SCAMP1: variants seen among roughly 807,000 people sequenced by gnomAD.
The protein encoded by SCAMP1 is secretory carrier membrane protein 1, also known as secretory carrier-associated membrane protein 1.
A neutral mutation model predicts 41.8 loss-of-function variants in SCAMP1; 15 were observed. The ratio of observed to expected loss-of-function variants is 0.36; its 90% CI spans 0.24 to 0.55. The LOEUF (loss-of-function observed/expected upper bound fraction) is 0.55. Among genes scored for constraint, SCAMP1 ranks in the 20% least tolerant of loss-of-function variants. SCAMP1 has a pLI of 0.86. For missense variants in SCAMP1, 341 were observed against 412.6 expected (o/e 0.83, Z 1.50); for synonymous variants, 135 against 136.8 (o/e 0.99, Z 0.09).
At chr5:78,423,159 G>C (rs186974856) in intron 6 of SCAMP1, among the ~76,000 whole-genome samples, 2 of 152,132 alleles carry the variant, frequency 1.3e-5, no homozygotes, top group Admixed American at 1.3e-4. Flanking sequence ...CAATGAAGAA[G>C]TAAATTATTA....
At chr5:78,379,315 G>A (rs759247616) in intron 1 of SCAMP1, among the ~76,000 whole-genome samples, 15 of 152,120 alleles carry the variant, frequency 9.9e-5, no homozygotes, top group African/African-American at 1.7e-4. Flanking sequence ...ATCATTTATC[G>A]TTACTTAATT....
At chr5:78,467,324 C>T (rs933363908) in intron 8 of SCAMP1, among the ~76,000 whole-genome samples, 7 of 152,136 alleles carry the variant, frequency 4.6e-5, no homozygotes, top group African/African-American at 1.4e-4. Context: ...ATGTGTGGCA[C>T]AGATGATCAA....
intron 8 of SCAMP1, among the ~76,000 whole-genome samples, chr5:78,473,121 G>A (rs1753924443): frequency 6.6e-6 from 1 of 152,114 alleles, no homozygotes; most frequent in South Asian, 2.1e-4. Context: ...TATACTTAAT[G>A]ATAGTGCTAA....
chr5:78,361,256 T>C (rs867617282), intron 1 of SCAMP1, among the ~76,000 whole-genome samples: 27 of 152,340 alleles, frequency 1.8e-4, no homozygotes, highest in South Asian at 4.1e-4. Context: ...GTTATGTTTT[T>C]ATTTTTTAAA....
At chr5:78,401,091 T>A (rs1751786400) in intron 2 of SCAMP1, among the ~76,000 whole-genome samples, 1 of 152,168 alleles carries the variant, frequency 6.6e-6, no homozygotes, top group Non-Finnish European at 1.5e-5. Context: ...TATCTACTGA[T>A]ATGGTCATAT....
chr5:78,441,631 TG>T (rs1028669040), intron 6 of SCAMP1, among the ~76,000 whole-genome samples: 106 of 152,254 alleles, frequency 7.0e-4, no homozygotes, highest in African/African-American at 2.5e-3. Flanking sequence ...CTGACCAATG[TG>T]GCAAAACCCC....
At chr5:78,440,195 CCTT>C (rs1752882650) in intron 6 of SCAMP1, among the ~76,000 whole-genome samples, 1 of 152,172 alleles carries the variant, frequency 6.6e-6, no homozygotes, top group Non-Finnish European at 1.5e-5. Context: ...TCGTCTGAAG[CCTT>C]CTTCTCTCAA....
intron 1 of SCAMP1, among the ~76,000 whole-genome samples, chr5:78,388,075 G>C (rs1008907768): frequency 2.0e-5 from 3 of 152,134 alleles, no homozygotes; most frequent in Non-Finnish European, 2.9e-5. Flanking sequence ...TTCTTCAAAG[G>C]GTCTGTGGAT....
rs1438739022 is a variant in SCAMP1, at chr5:78,477,645, GTAGAAA to G, written c.*1979_*1984del. 1.3e-5 allele frequency: 2 copies of G among 152,104 alleles called. No individual in the cohort carries two copies. The highest frequency in any genetic ancestry group is 2.9e-5 in the Non-Finnish European group (2 of 67,972). The allele number at this position is 152,104 out of a possible 1,614,324, so 9.4% of individuals were successfully genotyped here. A position where few individuals can be genotyped will look rare whatever the true frequency, so the allele number is the denominator to read the frequency against. On this transcript the variant is annotated 3_prime_UTR_variant, in exon 9 of 9. Coordinates refer to ENST00000621999, the MANE Select transcript of SCAMP1 (RefSeq NM_004866.6). ...TTCAGAATTGGAATGTTTATATTAT[GTAGAAA>G]TCTTCAAAGGTAGCATTATTAAATA...
chr5:78,442,632 A>G (rs563095589), intron 6 of SCAMP1, among the ~76,000 whole-genome samples: 3 of 152,180 alleles, frequency 2.0e-5, no homozygotes, highest in Admixed American at 1.3e-4. Flanking sequence ...GACCTAATCA[A>G]TGTTGATTTC....
intron 7 of SCAMP1, among the ~76,000 whole-genome samples, chr5:78,456,928 A>G (rs1753421794): frequency 7.6e-6 from 1 of 131,268 alleles, no homozygotes; most frequent in Non-Finnish European, 1.6e-5. Context: ...GCTTCATTTC[A>G]TTCATTTCAT....
chr5:78,477,290 C>T lies in SCAMP1; in HGVS notation c.*1622C>T, dbSNP rs1754028286. On this transcript the variant is annotated 3_prime_UTR_variant, in exon 9 of 9. Coordinates refer to ENST00000621999, the MANE Select transcript of SCAMP1 (RefSeq NM_004866.6). ...TTTGATTTATTTGGGATCTTATTGA[C>T]ATCAGGTATACTTGGAAGACATTTC... 1 of 152,088 alleles carries T rather than the reference C, an allele frequency of 6.6e-6. No homozygotes were observed. Among genetic ancestry groups the T allele is most frequent in the South Asian group, 2.1e-4 (1 of 4,832 alleles). 9.4% of individuals were successfully genotyped at this position (152,088 alleles called of 1,614,324 possible). A position where few individuals can be genotyped will look rare whatever the true frequency, so the allele number is the denominator to read the frequency against.
intron 6 of SCAMP1, among the ~76,000 whole-genome samples, chr5:78,440,777 C>G (rs1752900643): frequency 6.6e-6 from 1 of 152,204 alleles, no homozygotes; most frequent in South Asian, 2.1e-4. Context: ...TTTCTGCTGC[C>G]TTTTGTTCAG....
chr5:78,366,526 A>C (rs1750800499), intron 1 of SCAMP1, among the ~76,000 whole-genome samples: 1 of 152,148 alleles, frequency 6.6e-6, no homozygotes, highest in Non-Finnish European at 1.5e-5. Context: ...CAAAGTCTTC[A>C]CCTTCTGATA....
intron 2 of SCAMP1, among the ~76,000 whole-genome samples, chr5:78,415,042 C>T (rs536656291): frequency 1.3e-5 from 2 of 151,844 alleles, no homozygotes; most frequent in African/African-American, 4.8e-5. Context: ...CAGCCTCCAC[C>T]TCCCCGGTTC....
At chr5:78,400,552 C>T (rs1055094022) in intron 2 of SCAMP1, among the ~76,000 whole-genome samples, 1 of 152,134 alleles carries the variant, frequency 6.6e-6, no homozygotes, top group Non-Finnish European at 1.5e-5. Context: ...TGTAGTTTTT[C>T]ACATATAGAA....
intron 2 of SCAMP1, among the ~76,000 whole-genome samples, chr5:78,405,060 T>C (rs1052167163): frequency 1.3e-5 from 2 of 152,250 alleles, no homozygotes; most frequent in African/African-American, 4.8e-5. Flanking sequence ...ACTCCTTGTA[T>C]TGACCTATTT....
chr5:78,443,645 T>G, intron 6 of SCAMP1, among the ~76,000 whole-genome samples: 2 of 139,866 alleles, frequency 1.4e-5, no homozygotes, highest in Non-Finnish European at 3.1e-5. Flanking sequence ...GACTAGTGAG[T>G]GGTTTTGCTT....
chr5:78,379,701 C>T (rs1751149832), intron 1 of SCAMP1, among the ~76,000 whole-genome samples: 2 of 152,118 alleles, frequency 1.3e-5, no homozygotes, highest in South Asian at 4.1e-4. Context: ...TATTTATTGG[C>T]TTTTAAAAGT....
Sources: gnomAD v4.1 joint callset for allele counts (sites outside exome capture counted in the v4.1 genomes callset) on GRCh38, gnomAD v4.1.1 for gene constraint, MANE v1.5 for transcripts, NCBI Gene and HGNC (gene_info 2026-07-23, HGNC 2026-07-21) for gene names.